The following PPARGC1A variants were observed in gnomAD, a reference collection of about 807,000 sequenced individuals.
The protein encoded by PPARGC1A is peroxisome proliferator-activated receptor gamma coactivator 1-alpha.
In PPARGC1A, 25 loss-of-function variants were observed where a neutral mutation model predicts 88.7. The ratio of observed to expected loss-of-function variants is 0.28; its 90% CI spans 0.21 to 0.39. The LOEUF is 0.39. Among genes scored for constraint, PPARGC1A ranks in the 10% least tolerant of loss-of-function variants. PPARGC1A has a pLI of 1.00. For synonymous variants in PPARGC1A, 363 were observed against 355.6 expected, an observed-to-expected ratio of 1.02 and a Z score of -0.24; for missense variants, 880 against 968.7, an observed-to-expected ratio of 0.91 and a Z score of 1.22.
At chr4:24,345,369 T>C in the PPARGC1A span, among the ~76,000 whole-genome samples, 3 of 152,184 alleles carry the variant, frequency 2.0e-5, no homozygotes, top group South Asian at 6.2e-4. Flanking sequence ...ATTTTCACAA[T>C]ATTGATTCTA....
chr4:23,999,127 G>C, the PPARGC1A span, among the ~76,000 whole-genome samples: 1 of 152,186 alleles, frequency 6.6e-6, no homozygotes, highest in African/African-American at 2.4e-5. Context: ...CTCCTAGCAA[G>C]TGCATATCTA....
At chr4:24,366,769 C>T in the PPARGC1A span, among the ~76,000 whole-genome samples, 1 of 152,142 alleles carries the variant, frequency 6.6e-6, no homozygotes, top group Non-Finnish European at 1.5e-5. Context: ...ACCAACAAAA[C>T]CTAACACGGG....
chr4:24,275,129 A>G, the PPARGC1A span, among the ~76,000 whole-genome samples: 3 of 152,252 alleles, frequency 2.0e-5, no homozygotes, highest in Non-Finnish European at 4.4e-5. Context: ...AGTTTCACAT[A>G]TGGCCAATAT....
the PPARGC1A span, among the ~76,000 whole-genome samples, chr4:24,390,959 C>G: frequency 1.3e-5 from 2 of 151,852 alleles, no homozygotes; most frequent in African/African-American, 4.8e-5. Context: ...AAGAGTAATT[C>G]CTTCTGTTTG....
At chr4:24,286,117 G>A in the PPARGC1A span, among the ~76,000 whole-genome samples, 3 of 152,026 alleles carry the variant, frequency 2.0e-5, no homozygotes, top group African/African-American at 7.2e-5. Flanking sequence ...CTGCATGCAA[G>A]CATGTCTCGG....
At chr4:24,051,300 C>T in the PPARGC1A span, among the ~76,000 whole-genome samples, 300 of 151,696 alleles carry the variant, frequency 2.0e-3, 6 homozygotes, top group East Asian at 0.045. Flanking sequence ...TGGCTCTTGC[C>T]CCCTGGAAAA....
chr4:24,009,285 T>C, the PPARGC1A span, among the ~76,000 whole-genome samples: 2 of 152,158 alleles, frequency 1.3e-5, no homozygotes, highest in African/African-American at 2.4e-5. Flanking sequence ...TATAAAGATT[T>C]TGAAACTGCG....
the PPARGC1A span, among the ~76,000 whole-genome samples, chr4:24,438,242 G>C: frequency 2.0e-5 from 3 of 151,570 alleles, no homozygotes; most frequent in East Asian, 5.8e-4. Context: ...CACACAACAG[G>C]ATGGAATTGC....
chr4:24,467,008 GAGAA>G, the PPARGC1A span, among the ~76,000 whole-genome samples: 578 of 128,910 alleles, frequency 4.5e-3, 3 homozygotes, highest in African/African-American at 0.011. Flanking sequence ...GAAGGAAGGG[GAGAA>G]AGAAAGAAAG....
Position 23,824,503 on chromosome 4 carries a change from G to C in PPARGC1A, c.763C>G (p.Pro255Ala). Residue 255 changes from proline to alanine, a missense_variant, in exon 6 of 13, where the codon CCA becomes GCA. Transcript: ENST00000264867. The part of the protein sequence containing the change: ...QSQSQHLQAK[P>A]TTLSLPLTPE... Reference sequence around the variant, plus strand: ...GTCAGAGGAAGAGATAAAGTTGTTGGTTTGGCTAAAGAAAAAAAAAAGAAA... The same window carrying C: ...GTCAGAGGAAGAGATAAAGTTGTTGCTTTGGCTAAAGAAAAAAAAAAGAAA... 1 of 1,601,742 alleles carries C rather than the reference G, an allele frequency of 6.2e-7. No homozygotes were observed. The highest frequency in any genetic ancestry group is 8.5e-7 in the Non-Finnish European group (1 of 1,172,258).
the PPARGC1A span, among the ~76,000 whole-genome samples, chr4:24,037,885 C>T: frequency 9.9e-5 from 15 of 152,250 alleles, no homozygotes; most frequent in African/African-American, 3.4e-4. Flanking sequence ...CATCCCATAC[C>T]CACCAGAGCT....
At chr4:23,926,527 A>C in the PPARGC1A span, among the ~76,000 whole-genome samples, 1 of 152,160 alleles carries the variant, frequency 6.6e-6, no homozygotes, top group African/African-American at 2.4e-5. Context: ...ACATTGACCT[A>C]GAGAAAGCGC....
chr4:24,235,328 C>T, the PPARGC1A span, among the ~76,000 whole-genome samples: 1 of 152,134 alleles, frequency 6.6e-6, no homozygotes, highest in Non-Finnish European at 1.5e-5. Flanking sequence ...TACACAAGTC[C>T]TTTATGAGGG....
chr4:24,090,665 G>T, the PPARGC1A span, among the ~76,000 whole-genome samples: 1 of 151,944 alleles, frequency 6.6e-6, no homozygotes, highest in Non-Finnish European at 1.5e-5. Flanking sequence ...TATTAAAAAA[G>T]AAACAGAAAA....
chr4:24,132,198 T>C, the PPARGC1A span, among the ~76,000 whole-genome samples: 1 of 152,138 alleles, frequency 6.6e-6, no homozygotes, highest in African/African-American at 2.4e-5. Flanking sequence ...TGTTACACTG[T>C]TGCAAGTCAT....
the PPARGC1A span, among the ~76,000 whole-genome samples, chr4:24,428,962 G>T: frequency 6.6e-6 from 1 of 152,154 alleles, no homozygotes; most frequent in Non-Finnish European, 1.5e-5. Context: ...GAAGTGATGA[G>T]AGACCCAACA....
At chr4:24,431,164 AAAGAC>A in the PPARGC1A span, among the ~76,000 whole-genome samples, 1 of 151,908 alleles carries the variant, frequency 6.6e-6, no homozygotes, top group Non-Finnish European at 1.5e-5. Flanking sequence ...AAGAAAAAGA[AAAGAC>A]AAGAAAGTAG....
At chr4:24,118,334 C>T in the PPARGC1A span, among the ~76,000 whole-genome samples, 625 of 152,208 alleles carry the variant, frequency 4.1e-3, 5 homozygotes, top group African/African-American at 0.014. Context: ...ACAGTTTGAA[C>T]GTTTGAAGAA....
chr4:24,353,480 A>G, the PPARGC1A span, among the ~76,000 whole-genome samples: 1 of 151,924 alleles, frequency 6.6e-6, no homozygotes, highest in African/African-American at 2.4e-5. Flanking sequence ...AAGGGATTCT[A>G]TTTTCTTGTT....
Sources: gnomAD v4.1 joint callset for allele counts (sites outside exome capture counted in the v4.1 genomes callset) on GRCh38, gnomAD v4.1.1 for gene constraint, MANE v1.5 for transcripts, NCBI Gene and HGNC (gene_info 2026-07-23, HGNC 2026-07-21) for gene names.